The following ARPP19 variants were observed in gnomAD, a reference collection of about 807,000 sequenced individuals.
ARPP19 encodes the protein cAMP regulated phosphoprotein 19.
Under a neutral mutation model 12.0 loss-of-function variants are expected in ARPP19, and 8 were observed. The observed-to-expected ratio is 0.67, with a 90% confidence interval of 0.39 to 1.21. The LOEUF (loss-of-function observed/expected upper bound fraction) is 1.21, where lower values mean the gene tolerates loss of function less well. ARPP19 is among the 50% of genes most tolerant of loss of function. The probability of loss-of-function intolerance (pLI) is 0.01; values close to 1 mark genes in which losing one functional copy is unlikely to be tolerated. For synonymous variants in ARPP19, 47 were observed against 50.4 expected (o/e 0.93, Z 0.29); for missense variants, 102 against 136.3 (o/e 0.75, Z 1.25).
In ARPP19 at chr15:52,551,431, C is replaced by G. The variant is rs575407469; in HGVS notation, c.*503G>C. On this transcript the variant is annotated 3_prime_UTR_variant, in exon 3 of 3. Transcript: ENST00000249822. ...AAACAGGTTTAAGGCCATTCAAGTT[C>G]AAGCACAGAGATACAAATCTTTCAG... 2.6e-5 allele frequency: 4 copies of G among 152,982 alleles called. No homozygotes were observed. In the South Asian group the frequency reaches 8.3e-4, roughly 32 times the overall value. The allele number at this position is 152,982 out of a possible 1,614,324, so 9.5% of individuals were successfully genotyped here. A position where few individuals can be genotyped will look rare whatever the true frequency, so the allele number is the denominator to read the frequency against.
rs1389800633 is a variant in ARPP19 at position 52,547,276 on chromosome 15, T to C, written c.*4658A>G. On this transcript the variant is annotated 3_prime_UTR_variant, in exon 3 of 3. Transcript: ENST00000249822. ...GATCCATTTATTTTTTAAATACAAG[T>C]ATAATTTTGGAAGGGGTATTTGACA... 6.6e-6 allele frequency: 1 copy of C among 152,138 alleles called. No individual in the cohort carries two copies. The highest frequency in any genetic ancestry group is 1.5e-5 in the Non-Finnish European group (1 of 68,034). 9.4% of individuals were successfully genotyped at this position (152,138 alleles called of 1,614,324 possible).
In ARPP19 at chr15:52,561,956, T is replaced by A. The variant is rs898714881; in HGVS notation, c.46-4734A>T. On this transcript the variant is annotated intron_variant, in intron 1 of 2. Coordinates refer to ENST00000249822, the MANE Select transcript of ARPP19 (RefSeq NM_006628.6). ...CTACTTTTTTTTTTTTTTTTTTTTT[T>A]ATTAAGATACATGGTCTTCCTATGT... 1.7e-4 allele frequency among the ~76,000 whole-genome samples: 23 copies of A among 135,682 alleles called. 1 individual carries two copies. The highest frequency in any genetic ancestry group is 2.3e-4 in the South Asian group (1 of 4,420). The allele number at this position is 135,682 out of a possible 152,430, so 89.0% of individuals were successfully genotyped here.
intron 1 of ARPP19, among the ~76,000 whole-genome samples, chr15:52,558,711 A>G (rs1003886629): frequency 4.0e-5 from 6 of 151,692 alleles, no homozygotes; most frequent in African/African-American, 1.5e-4. Flanking sequence ...CCATTTATCT[A>G]TCTAAGCACT....
At position 52,549,996 on chromosome 15, in the gene ARPP19, T is replaced by TG. The variant is rs1283338458; in HGVS notation, c.*1937_*1938insC. On this transcript the variant is annotated 3_prime_UTR_variant, in exon 3 of 3. Coordinates refer to ENST00000249822, the MANE Select transcript of ARPP19 (RefSeq NM_006628.6). ...TCAGAGCACTAGGCAGCCTTTAACT[T>TG]AAGGTGCTATGTTTGAGGCACCATT... The TG allele has an allele frequency of 6.6e-6, 1 of 152,602 alleles. No homozygotes were observed. The highest frequency in any genetic ancestry group is 1.5e-5 in the Non-Finnish European group (1 of 68,030). The allele number at this position is 152,602 out of a possible 1,614,324, so 9.5% of individuals were successfully genotyped here. A position where few individuals can be genotyped will look rare whatever the true frequency, so the allele number is the denominator to read the frequency against.
rs142597329 is a variant in ARPP19 at position 52,555,498 on chromosome 15, CTATTT to C, written c.168+1597_168+1601del. 3.4e-3 allele frequency among the ~76,000 whole-genome samples: 517 copies of C among 152,090 alleles called. 3 individuals are homozygous for C. The highest frequency in any genetic ancestry group is 0.012 in the African/African-American group (502 of 41,558). On this transcript the variant is annotated intron_variant, in intron 2 of 2. Transcript: ENST00000249822. ...TATGTTCTAAAATAACCACATAATA[CTATTT>C]TATTGACTTACTTCAATTTATTTAA...
At chr15:52,563,489 T>C (rs112219016) in intron 1 of ARPP19, among the ~76,000 whole-genome samples, 56 of 152,318 alleles carry the variant, frequency 3.7e-4, no homozygotes, top group African/African-American at 1.3e-3. Flanking sequence ...ATAGTTATTG[T>C]CTCGGCATGT....
chr15:52,560,329 G>A (rs931868661), intron 1 of ARPP19, among the ~76,000 whole-genome samples: 4 of 152,050 alleles, frequency 2.6e-5, no homozygotes, highest in Non-Finnish European at 4.4e-5. Flanking sequence ...GGAATACATT[G>A]ATATATCATA....
chr15:52,563,771 C>T (rs1026778153), intron 1 of ARPP19, among the ~76,000 whole-genome samples: 2 of 152,184 alleles, frequency 1.3e-5, no homozygotes, highest in Non-Finnish European at 2.9e-5. Flanking sequence ...TTGACTGATG[C>T]ACTGATTGAC....
chr15:52,556,450 C>T (rs1332693346), intron 2 of ARPP19, among the ~76,000 whole-genome samples: 1 of 152,046 alleles, frequency 6.6e-6, no homozygotes, highest in Non-Finnish European at 1.5e-5. Flanking sequence ...GTATCTACCT[C>T]GCAAAACATG....
intron 1 of ARPP19, among the ~76,000 whole-genome samples, chr15:52,562,096 T>C (rs1179132701): frequency 2.0e-5 from 3 of 152,090 alleles, no homozygotes; most frequent in South Asian, 2.1e-4. Flanking sequence ...CATGAAAATA[T>C]ACAAAGCAAA....
At chr15:52,568,679 C>T (rs966045387) in intron 1 of ARPP19, 169 bp downstream of exon 1, 11 of 493,882 alleles carry the variant, frequency 2.2e-5, no homozygotes, top group African/African-American at 1.4e-4. Context: ...ACTCCCAATT[C>T]GTCGGCGCAC....
upstream of ARPP19, chr15:52,569,175 G>C: frequency 2.2e-6 from 1 of 453,914 alleles, no homozygotes. Flanking sequence ...TTCAAAGGTC[G>C]CCGCTCCTGC....
intron 1 of ARPP19, chr15:52,564,197 C>T: frequency 2.0e-6 from 3 of 1,532,774 alleles, no homozygotes; most frequent in Non-Finnish European, 2.6e-6. Context: ...TACCTCTAGG[C>T]TGTTAGGAAT....
rs2077891791 is a variant in ARPP19, at chr15:52,547,810, C to T, written c.*4124G>A. 1 of 152,048 alleles carries T rather than the reference C, an allele frequency of 6.6e-6. No homozygotes were observed. The highest frequency in any genetic ancestry group is 2.4e-5 in the African/African-American group (1 of 41,396). 9.4% of individuals were successfully genotyped at this position (152,048 alleles called of 1,614,324 possible). ...TTGTTTTAGAAAATTTTAAATGTGTCCTAAATTGTGGCATATTGAAAACGA... is the reference window on the plus strand; with the variant it reads ...TTGTTTTAGAAAATTTTAAATGTGTTCTAAATTGTGGCATATTGAAAACGA... On this transcript the variant is annotated 3_prime_UTR_variant, in exon 3 of 3. Coordinates refer to ENST00000249822, the MANE Select transcript of ARPP19 (RefSeq NM_006628.6).
In ARPP19 at chr15:52,548,047, C is replaced by G. The variant is rs549833929; in HGVS notation, c.*3887G>C. On this transcript the variant is annotated 3_prime_UTR_variant, in exon 3 of 3. Coordinates refer to ENST00000249822, the MANE Select transcript of ARPP19 (RefSeq NM_006628.6). ...AAGTGCTCTTCCCATTGGCTACCTG[C>G]TTCTGATCACCCAAACACCAATTTT... The G allele has an allele frequency of 6.6e-6, 1 of 152,346 alleles. No individual in the cohort carries two copies. The highest frequency in any genetic ancestry group is 2.1e-4 in the South Asian group (1 of 4,824). The allele number at this position is 152,346 out of a possible 1,614,324, so 9.4% of individuals were successfully genotyped here.
rs1278416499 is a variant in ARPP19, at chr15:52,557,161, T to C, written c.107A>G (p.Tyr36Cys). 6.2e-7 allele frequency: 1 copy of C among 1,612,906 alleles called. No individual in the cohort carries two copies. The highest frequency in any genetic ancestry group is 1.1e-5 in the South Asian group (1 of 91,046). ...KAEEAKLKAR[Y>C]PHLGQKPGGS... ...TCCAGGCTTTTGTCCCAGATGAGGATATCTTGCTTTTAATTTTGCTTCTTC... is the reference window on the plus strand; with the variant it reads ...TCCAGGCTTTTGTCCCAGATGAGGACATCTTGCTTTTAATTTTGCTTCTTC... The change falls in exon 2 of 3, where the codon TAT (tyrosine) becomes TGT (cysteine). Residue 36 changes from tyrosine to cysteine, a missense_variant. Transcript: ENST00000249822.
chr15:52,564,712 C>A (rs182805030), intron 1 of ARPP19, among the ~76,000 whole-genome samples: 1 of 151,772 alleles, frequency 6.6e-6, no homozygotes, highest in Admixed American at 6.6e-5. Context: ...AGAAAACTTG[C>A]TATTGAGATC....
At chr15:52,562,815 G>C (rs1469940289) in intron 1 of ARPP19, among the ~76,000 whole-genome samples, 1 of 149,126 alleles carries the variant, frequency 6.7e-6, no homozygotes, top group Non-Finnish European at 1.5e-5. Context: ...TAATGAAAAA[G>C]ATACAATAGA....
intron 1 of ARPP19, among the ~76,000 whole-genome samples, chr15:52,562,345 T>C (rs2078041319): frequency 6.6e-6 from 1 of 152,138 alleles, no homozygotes; most frequent in Non-Finnish European, 1.5e-5. Flanking sequence ...CTGCAATTCA[T>C]TAAAGTCAGT....
Sources: allele counts gnomAD v4.1 joint callset (sites outside exome capture counted in the v4.1 genomes callset), GRCh38; gene constraint gnomAD v4.1.1; transcripts MANE v1.5; gene names NCBI Gene and HGNC (gene_info 2026-07-23, HGNC 2026-07-21).